ASB3: variants seen among roughly 807,000 people sequenced by gnomAD.
ASB3 encodes ankyrin repeat and SOCS box protein 3.
ASB3 carries 41 observed loss-of-function variants against 54.5 expected under a neutral mutation model. The ratio of observed to expected loss-of-function variants is 0.75; its 90% CI spans 0.59 to 0.98. ASB3 has a LOEUF of 0.98. Among genes scored for constraint, ASB3 ranks in the 50% least tolerant of loss-of-function variants. ASB3 has a pLI of 0.00. For synonymous variants in ASB3, 266 were observed against 221.2 expected (o/e 1.20, Z -1.80); for missense variants, 733 against 620.0 (o/e 1.18, Z -1.94).
chr2:53,757,308 G>A (rs536408783), intron 2 of ASB3, among the ~76,000 whole-genome samples: 1 of 152,358 alleles, frequency 6.6e-6, no homozygotes, highest in East Asian at 1.9e-4. Flanking sequence ...TTCTGGGTTG[G>A]GAGCGTTGGT....
intron 1 of ASB3, among the ~76,000 whole-genome samples, chr2:53,779,512 C>T (rs1336245462): frequency 1.3e-5 from 2 of 152,140 alleles, no homozygotes; most frequent in African/African-American, 2.4e-5. Flanking sequence ...TCACAACTCA[C>T]TGCAGCCTCA....
intron 9 of ASB3, among the ~76,000 whole-genome samples, chr2:53,690,171 GGCT>G (rs1454642123): frequency 1.3e-5 from 2 of 152,060 alleles, no homozygotes; most frequent in African/African-American, 4.8e-5. Flanking sequence ...AGGAGGTAGA[GGCT>G]GCAGTGAGCC....
At chr2:53,676,276 A>T (rs568327056) in intron 9 of ASB3, among the ~76,000 whole-genome samples, 4 of 152,312 alleles carry the variant, frequency 2.6e-5, no homozygotes, top group African/African-American at 9.6e-5. Flanking sequence ...TTCTGGATTC[A>T]ACTCTTCTCC....
intron 5 of ASB3, among the ~76,000 whole-genome samples, chr2:53,726,266 T>A (rs1053790693): frequency 4.6e-5 from 7 of 150,928 alleles, no homozygotes; most frequent in African/African-American, 9.7e-5. Context: ...AATTTTTTTT[T>A]TTTTTTTTTT....
At chr2:53,674,852 A>G (rs1667998018) in intron 9 of ASB3, among the ~76,000 whole-genome samples, 1 of 152,138 alleles carries the variant, frequency 6.6e-6, no homozygotes, top group Non-Finnish European at 1.5e-5. Context: ...ACAAAAAGCA[A>G]GTACCTGAGA....
chr2:53,756,966 T>C (rs1288937888), intron 2 of ASB3: 2 of 166,122 alleles, frequency 1.2e-5, no homozygotes, highest in Admixed American at 6.3e-5. Context: ...ACTCACCGCA[T>C]GACCCAAGAT....
At chr2:53,714,118 T>C (rs1036008703) in intron 7 of ASB3, among the ~76,000 whole-genome samples, 6 of 152,180 alleles carry the variant, frequency 3.9e-5, no homozygotes, top group African/African-American at 1.4e-4. Context: ...AATTTCTGCG[T>C]CTACTTAAAT....
chr2:53,747,905 T>C (rs1672311210), intron 3 of ASB3, among the ~76,000 whole-genome samples: 1 of 152,218 alleles, frequency 6.6e-6, no homozygotes, highest in South Asian at 2.1e-4. Context: ...ATATAGCACA[T>C]AGTGTTTCGC....
At chr2:53,763,710 C>T (rs1673278203) in intron 2 of ASB3, 3 of 165,912 alleles carry the variant, frequency 1.8e-5, no homozygotes. Context: ...TACACTATTC[C>T]GATATGAAGA....
intron 7 of ASB3, among the ~76,000 whole-genome samples, chr2:53,709,893 C>T (rs965550504): frequency 6.6e-6 from 1 of 152,122 alleles, no homozygotes. Flanking sequence ...TCTCTTAGAC[C>T]TCTTCCTCTG....
At chr2:53,720,841 A>C (rs1165840147) in intron 5 of ASB3, among the ~76,000 whole-genome samples, 1 of 152,104 alleles carries the variant, frequency 6.6e-6, no homozygotes, top group Non-Finnish European at 1.5e-5. Context: ...GCCAAAAAGC[A>C]CATCTCAATA....
At chr2:53,731,742 T>C (rs1157474565) in intron 3 of ASB3, among the ~76,000 whole-genome samples, 2 of 152,112 alleles carry the variant, frequency 1.3e-5, no homozygotes, top group African/African-American at 4.8e-5. Flanking sequence ...AACCTCTGCC[T>C]CCCAGGTTCA....
At chr2:53,703,483 G>A (rs1419203129) in intron 7 of ASB3, among the ~76,000 whole-genome samples, 2 of 152,076 alleles carry the variant, frequency 1.3e-5, no homozygotes, top group Non-Finnish European at 2.9e-5. Flanking sequence ...TTAAAACCTG[G>A]GGCACCTTAG....
chr2:53,698,229 A>G (rs1013577975), intron 8 of ASB3, among the ~76,000 whole-genome samples: 1 of 152,154 alleles, frequency 6.6e-6, no homozygotes, highest in Non-Finnish European at 1.5e-5. Context: ...CTGACCTCCT[A>G]GAGCCCTGGG....
intron 1 of ASB3, among the ~76,000 whole-genome samples, chr2:53,772,147 A>G (rs1329350427): frequency 1.3e-5 from 2 of 151,908 alleles, no homozygotes; most frequent in Non-Finnish European, 1.5e-5. Flanking sequence ...GTAGACAACA[A>G]CGTACAGACA....
In ASB3 at chr2:53,683,108, T is replaced by TG. The variant is rs200104221; in HGVS notation, c.1369+10775dup. Among the ~76,000 whole-genome samples the TG allele has an allele frequency of 8.7e-3, 1,319 of 152,306 alleles. 21 individuals carry two copies. The highest frequency in any genetic ancestry group is 0.03 in the African/African-American group (1,246 of 41,564). On this transcript the variant is annotated intron_variant, in intron 9 of 9. Coordinates refer to ENST00000263634, the MANE Select transcript of ASB3 (RefSeq NM_016115.5). ...CCCCCTTTCACTATGATATGAGCTG[T>TG]GGGTCTGTCATAAACGGTGTTTACT...
intron 5 of ASB3, among the ~76,000 whole-genome samples, chr2:53,723,362 G>C (rs907641690): frequency 6.6e-6 from 1 of 151,970 alleles, no homozygotes; most frequent in Non-Finnish European, 1.5e-5. Context: ...AGTTATTGGG[G>C]AACAGGTAGT....
At chr2:53,774,927 C>A (rs2542581) in intron 1 of ASB3, 25,155 of 154,788 alleles carry the variant, frequency 0.16, 2,128 homozygotes, top group South Asian at 0.23. Context: ...ATTCTGTAAC[C>A]ATGGTTTAAA....
chr2:53,753,820 T>C (rs1672666441), intron 2 of ASB3, among the ~76,000 whole-genome samples: 1 of 151,928 alleles, frequency 6.6e-6, no homozygotes, highest in South Asian at 2.1e-4. Flanking sequence ...ATTTTTTTTT[T>C]AGTAGAGACA....
Sources: allele counts gnomAD v4.1 joint callset (sites outside exome capture counted in the v4.1 genomes callset), GRCh38; gene constraint gnomAD v4.1.1; transcripts MANE v1.5; gene names NCBI Gene and HGNC (gene_info 2026-07-23, HGNC 2026-07-21).